The following SNORC variants were observed in gnomAD, a reference collection of about 807,000 sequenced individuals.
SNORC encodes protein SNORC.
SNORC carries 11 observed loss-of-function variants against 9.7 expected under a neutral mutation model. That is an observed-to-expected ratio of 1.14 (90% CI 0.72 to 1.88). The LOEUF is 1.88. SNORC is among the 40% of genes most tolerant of loss of function. SNORC has a pLI of 0.00. For missense variants in SNORC, 197 were observed against 173.1 expected, an observed-to-expected ratio of 1.14 and a Z score of -0.77; for synonymous variants, 108 against 88.7, an observed-to-expected ratio of 1.22 and a Z score of -1.22.
rs1211132300 is a variant in SNORC, at chr2:232,876,121, C to T, written c.255C>T (p.Gly85=). ...CGCAGGAGCGGCTGGACCAGGGCGG[C>T]GGTACGGGCGGGGCGGGGGAGGGAG... The change falls in exon 2 of 3, where the codon GGC becomes GGT. Residue 85 remains glycine, a splice_region_variant and synonymous_variant. Coordinates refer to ENST00000331342, the Ensembl canonical transcript of SNORC. The surrounding 1 kb of genome is among the most constrained non-coding windows in gnomAD (Gnocchi z 6.8). 7.0e-6 allele frequency: 8 copies of T among 1,148,382 alleles called. No individual in the cohort carries two copies. Among genetic ancestry groups the T allele is most frequent in the East Asian group, 1.6e-4 (2 of 12,880 alleles). 71.1% of individuals were successfully genotyped at this position (1,148,382 alleles called of 1,614,324 possible). A position where few individuals can be genotyped will look rare whatever the true frequency, so the allele number is the denominator to read the frequency against.
intron 1 of SNORC, among the ~76,000 whole-genome samples, chr2:232,872,199 T>C (rs540180834): frequency 9.9e-5 from 15 of 152,134 alleles, no homozygotes; most frequent in African/African-American, 2.9e-4. Flanking sequence ...TGGGGTCCTG[T>C]AGCAGACAGG....
chr2:232,870,447 C>G (rs762699423), intron 1 of SNORC, 33 bp downstream of exon 1: 3 of 1,548,288 alleles, frequency 1.9e-6, no homozygotes, highest in Non-Finnish European at 2.6e-6. Flanking sequence ...TCAGCCACCA[C>G]TAGCCTCCCA....
At chr2:232,871,651 A>G (rs1691029849) in intron 1 of SNORC, among the ~76,000 whole-genome samples, 1 of 152,202 alleles carries the variant, frequency 6.6e-6, no homozygotes, top group African/African-American at 2.4e-5. Flanking sequence ...AAGAGGCGCC[A>G]GCCTAGGCGA....
upstream of SNORC, among the ~76,000 whole-genome samples, chr2:232,868,642 A>G (rs709934): frequency 0.64 from 97,075 of 151,956 alleles, 31,443 homozygotes; most frequent in African/African-American, 0.72. Flanking sequence ...TGTGGTCGCC[A>G]AAGATAAATC....
chr2:232,870,449 A>G, intron 1 of SNORC, 35 bp downstream of exon 1: 3 of 1,546,206 alleles, frequency 1.9e-6, no homozygotes, highest in Non-Finnish European at 2.6e-6. Context: ...AGCCACCACT[A>G]GCCTCCCAGG....
chr2:232,868,849 A>G (rs1386550372), upstream of SNORC, among the ~76,000 whole-genome samples: 1 of 152,194 alleles, frequency 6.6e-6, no homozygotes, highest in African/African-American at 2.4e-5. Context: ...ATGTGGCCGG[A>G]TCTAATGTCA....
At chr2:232,873,688 C>T (rs939036094) in intron 1 of SNORC, among the ~76,000 whole-genome samples, 17 of 152,220 alleles carry the variant, frequency 1.1e-4, no homozygotes, top group African/African-American at 3.6e-4. Flanking sequence ...AGGCGGTGGG[C>T]GCACTCAGGC....
chr2:232,867,670 C>G (rs759931183), upstream of SNORC, among the ~76,000 whole-genome samples: 1 of 152,226 alleles, frequency 6.6e-6, no homozygotes, highest in Non-Finnish European at 1.5e-5. Context: ...CGTCCTGCCT[C>G]CCCAGGGTGG....
chr2:232,868,212 T>G (rs1361958866), upstream of SNORC, among the ~76,000 whole-genome samples: 4 of 149,888 alleles, frequency 2.7e-5, no homozygotes, highest in East Asian at 7.8e-4. Context: ...TTCTTGTGCC[T>G]CAGCCTTCCA....
At chr2:232,873,956 C>T (rs918781647) in intron 1 of SNORC, among the ~76,000 whole-genome samples, 1 of 152,334 alleles carries the variant, frequency 6.6e-6, no homozygotes, top group Middle Eastern at 3.4e-3. Flanking sequence ...ACCCATGGGG[C>T]CTCCTGCCAG....
chr2:232,876,663 A>G (rs868373190), downstream of SNORC: 81 of 1,010,044 alleles, frequency 8.0e-5, 1 homozygote, highest in African/African-American at 7.1e-4. This position sits in a 1 kb window ranked among gnomAD's most constrained non-coding sequence, Gnocchi z 6.8. Flanking sequence ...GTCCCCGTGC[A>G]CCACGGCTGG....
upstream of SNORC, chr2:232,870,183 G>C (rs865799275): frequency 1.4e-4 from 91 of 663,692 alleles, 2 homozygotes; most frequent in Middle Eastern, 8.0e-4. Context: ...TGGGGGGAGC[G>C]GGGGGGTGGG....
At chr2:232,876,401 A>G (rs1347805214), downstream of SNORC, 3 of 1,500,350 alleles carry the variant, frequency 2.0e-6, no homozygotes, top group South Asian at 1.2e-5. This position sits in a 1 kb window ranked among gnomAD's most constrained non-coding sequence, Gnocchi z 6.8. Context: ...ACTCGGCTGC[A>G]CTCCTCACGC....
In SNORC at chr2:232,876,135, C is replaced by CGGGGGAGGGAG. The variant is rs1691228277; in HGVS notation, c.256+17_256+27dup. 2 of 573,918 alleles carry CGGGGGAGGGAG rather than the reference C, an allele frequency of 3.5e-6. No individual in the cohort carries two copies. The highest frequency in any genetic ancestry group is 4.2e-6 in the Non-Finnish European group (2 of 478,290). The allele number at this position is 573,918 out of a possible 1,614,324, so 35.6% of individuals were successfully genotyped here. On this transcript the variant is annotated intron_variant, in intron 2 of 2. Coordinates refer to ENST00000331342, the Ensembl canonical transcript of SNORC. The surrounding 1 kb of genome is among the most constrained non-coding windows in gnomAD (Gnocchi z 6.8). ...GACCAGGGCGGCGGTACGGGCGGGGCGGGGGAGGGAGGGGAGAGGGAGAAA... is the reference window on the plus strand; with the variant it reads ...GACCAGGGCGGCGGTACGGGCGGGGCGGGGGAGGGAGGGGGGAGGGAGGGGAGAGGGAGAAA...
downstream of SNORC, chr2:232,876,429 T>C (rs1574975503): frequency 1.4e-6 from 2 of 1,446,646 alleles, no homozygotes; most frequent in Non-Finnish European, 1.8e-6. The surrounding 1 kb of genome is among the most constrained non-coding windows in gnomAD (Gnocchi z 6.8). Flanking sequence ...TGTCCGCGCG[T>C]GCGTGTCCGC....
At chr2:232,876,967 G>C (rs1002094220), downstream of SNORC, 1 of 985,564 alleles carries the variant, frequency 1.0e-6, no homozygotes, top group Non-Finnish European at 1.2e-6. The surrounding 1 kb of genome is among the most constrained non-coding windows in gnomAD (Gnocchi z 6.8). Flanking sequence ...CCCGGGGCCC[G>C]CCGCTCCTTG....
upstream of SNORC, chr2:232,870,169 T>A (rs1301523598): frequency 3.2e-6 from 2 of 630,336 alleles, no homozygotes; most frequent in Non-Finnish European, 5.7e-6. Flanking sequence ...TGTGTGTGTG[T>A]TGGTGGGGGG....
chr2:232,868,048 A>T (rs1005714466), upstream of SNORC, among the ~76,000 whole-genome samples: 1 of 151,928 alleles, frequency 6.6e-6, no homozygotes, highest in South Asian at 2.1e-4. Context: ...GTAAATACAG[A>T]TTTCTGCTCA....
upstream of SNORC, among the ~76,000 whole-genome samples, chr2:232,867,073 G>A (rs879314888): frequency 1.1e-4 from 17 of 152,190 alleles, no homozygotes; most frequent in Middle Eastern, 6.8e-3. Flanking sequence ...GATTACAGGC[G>A]TGAGCCACAG....
Sources: gnomAD v4.1 joint callset for allele counts (sites outside exome capture counted in the v4.1 genomes callset) on GRCh38, gnomAD v4.1.1 for gene constraint, Gnocchi (gnomAD v3.1) non-coding constraint, MANE v1.5 for transcripts, NCBI Gene and HGNC (gene_info 2026-07-23, HGNC 2026-07-21) for gene names.